The following LRRC20 variants were observed in gnomAD, a reference collection of about 807,000 sequenced individuals.
LRRC20 encodes leucine-rich repeat-containing protein 20.
In LRRC20, 11 loss-of-function variants were observed where a neutral mutation model predicts 14.4. The ratio of observed to expected loss-of-function variants is 0.77; its 90% CI spans 0.48 to 1.27. The LOEUF is 1.27. LRRC20 is among the 50% of genes most tolerant of loss of function. The probability of loss-of-function intolerance (pLI) is 0.00; values close to 1 mark genes in which losing one functional copy is unlikely to be tolerated. For synonymous variants in LRRC20, 121 were observed against 107.3 expected (o/e 1.13, Z -0.79); for missense variants, 219 against 251.2 (o/e 0.87, Z 0.87).
intron 2 of LRRC20, among the ~76,000 whole-genome samples, chr10:70,361,932 A>C (rs1331149261): frequency 2.0e-5 from 3 of 152,228 alleles, no homozygotes. Flanking sequence ...CACACCTGTA[A>C]TCCCAACACT....
chr10:70,346,644 T>C (rs2137041886), intron 2 of LRRC20, among the ~76,000 whole-genome samples: 1 of 152,330 alleles, frequency 6.6e-6, no homozygotes, highest in African/African-American at 2.4e-5. Flanking sequence ...ATATGCACAT[T>C]GTAATTCCAA....
intron 2 of LRRC20, among the ~76,000 whole-genome samples, chr10:70,367,253 G>T (rs1405708344): frequency 6.6e-6 from 1 of 151,276 alleles, no homozygotes; most frequent in Admixed American, 6.6e-5. Flanking sequence ...GAGCCCAGGG[G>T]GCGGAGGCTG....
At chr10:70,340,742 A>T (rs777265945) in intron 2 of LRRC20, 40 bp from the exon 3 acceptor site, 52 of 1,609,662 alleles carry the variant, frequency 3.2e-5, no homozygotes, top group Non-Finnish European at 4.2e-5. Context: ...GTTATCAGCC[A>T]CAGCTGCCCG....
In LRRC20 at chr10:70,340,717, C is replaced by G; in HGVS notation, c.83-15G>C. The G allele has an allele frequency of 6.2e-7, 1 of 1,613,894 alleles. No homozygotes were observed. Among genetic ancestry groups the G allele is most frequent in the Non-Finnish European group, 8.5e-7 (1 of 1,179,894 alleles). On this transcript the variant is annotated splice_polypyrimidine_tract_variant and intron_variant, in intron 2 of 4. Coordinates refer to ENST00000446961, the MANE Select transcript of LRRC20 (RefSeq NM_001278212.2). ...CTCGGCCAGGTCTGCAGCCAAAGAACAAAAACAAACCAGAGTTATCAGCCA... is the reference window on the plus strand; with the variant it reads ...CTCGGCCAGGTCTGCAGCCAAAGAAGAAAAACAAACCAGAGTTATCAGCCA...
At position 70,340,688 on chromosome 10, in the gene LRRC20, T is replaced by A; in HGVS notation, c.97A>T (p.Lys33Ter). The A allele has an allele frequency of 6.2e-7, 1 of 1,614,166 alleles. No individual in the cohort carries two copies. The highest frequency in any genetic ancestry group is 8.5e-7 in the Non-Finnish European group (1 of 1,180,028). ...GSDTLDLAECKLVSFPIGIYK... is the reference protein window; with the variant it reads ...GSDTLDLAEC ...ATGCCAATGGGAAAGGAGACCAGCTTGCACTCGGCCAGGTCTGCAGCCAAA... is the reference window on the plus strand; with the variant it reads ...ATGCCAATGGGAAAGGAGACCAGCTAGCACTCGGCCAGGTCTGCAGCCAAA... The change falls in exon 3 of 5, where the codon AAG becomes TAG. Residue 33 changes from lysine (K) to a stop codon, truncating the protein, a stop_gained. Transcript: ENST00000446961. LOFTEE classifies it high-confidence loss of function.
chr10:70,342,301 C>T (rs1842945396), intron 2 of LRRC20, among the ~76,000 whole-genome samples: 1 of 149,306 alleles, frequency 6.7e-6, no homozygotes, highest in Non-Finnish European at 1.5e-5. Flanking sequence ...CAGAGTGAGA[C>T]TATCTCAAAA....
At chr10:70,332,499 G>T (rs1842578116) in intron 3 of LRRC20, among the ~76,000 whole-genome samples, 1 of 152,130 alleles carries the variant, frequency 6.6e-6, no homozygotes, top group Admixed American at 6.5e-5. Flanking sequence ...CAAAAAATTA[G>T]CTAGGTTTGA....
rs373396264 is a variant in LRRC20 at position 70,323,940 on chromosome 10, T to C, written c.323A>G (p.Gln108Arg). The change falls in exon 4 of 5, where the codon CAG becomes CGG. Residue 108 changes from glutamine (Q) to arginine (R), a missense_variant. Gln to Arg is a conservative substitution (Grantham distance 43). Transcript: ENST00000446961. Reference protein sequence around the residue: ...HLKAIDLSRNQFQDFPEQLTA... With the variant: ...HLKAIDLSRNRFQDFPEQLTA... ...AAGCTGCTCAGGGAAGTCCTGGAAC[T>C]GGTTCCGGGACAGGTCAATGGCCTT... The C allele has an allele frequency of 7.0e-5, 113 of 1,614,028 alleles. No individual in the cohort carries two copies. Among genetic ancestry groups the C allele is most frequent in the Middle Eastern group, 1.6e-4 (1 of 6,084 alleles).
rs979044471 is a variant in LRRC20 at position 70,333,009 on chromosome 10, CAT to C, written c.232+7542_232+7543del. On this transcript the variant is annotated intron_variant, in intron 3 of 4. Coordinates refer to ENST00000446961, the MANE Select transcript of LRRC20 (RefSeq NM_001278212.2). ...TAGAGCTCTGCAGGTGTGGCAGAGA[CAT>C]AAACAGCAACAAGAGAGGTGCTTGG... is the stretch of plus-strand genomic sequence containing the variant. Among the ~76,000 whole-genome samples, 20 of 152,138 alleles carry C rather than the reference CAT, an allele frequency of 1.3e-4. 1 individual carries two copies. Among genetic ancestry groups the C allele is most frequent in the Admixed American group, 3.9e-4 (6 of 15,276 alleles).
At chr10:70,360,925 A>G (rs1843694681) in intron 2 of LRRC20, among the ~76,000 whole-genome samples, 1 of 152,116 alleles carries the variant, frequency 6.6e-6, no homozygotes, top group South Asian at 2.1e-4. Flanking sequence ...GCACACGCCT[A>G]TAGTCGCAGC....
intron 4 of LRRC20, 99 bp from the exon 5 acceptor site, chr10:70,301,607 G>T: frequency 2.1e-6 from 3 of 1,418,926 alleles, no homozygotes; most frequent in Non-Finnish European, 2.9e-6. Flanking sequence ...GATGGTGAGG[G>T]GCAGCTCTCC....
At chr10:70,320,959 G>T (rs1842056343) in intron 4 of LRRC20, among the ~76,000 whole-genome samples, 1 of 152,170 alleles carries the variant, frequency 6.6e-6, no homozygotes, top group Admixed American at 6.5e-5. Context: ...AGTTGATCCT[G>T]GCAGCTGCCT....
At chr10:70,329,561 C>CTTTT (rs375932907) in intron 3 of LRRC20, among the ~76,000 whole-genome samples, 1 of 124,908 alleles carries the variant, frequency 8.0e-6, no homozygotes, top group Admixed American at 8.3e-5. Flanking sequence ...CTTCTTTTGC[C>CTTTT]TTTTTTTTTT....
At chr10:70,319,901 G>A (rs952663560) in intron 4 of LRRC20, among the ~76,000 whole-genome samples, 5 of 152,126 alleles carry the variant, frequency 3.3e-5, no homozygotes, top group Admixed American at 6.5e-5. Flanking sequence ...CCAAGACCCC[G>A]GAAGCCTCTC....
chr10:70,342,014 T>C (rs1364163572), intron 2 of LRRC20, among the ~76,000 whole-genome samples: 1 of 151,104 alleles, frequency 6.6e-6, no homozygotes, highest in East Asian at 2.0e-4. Flanking sequence ...TGTTCTAAGA[T>C]TGGGCGGGGC....
Position 70,376,459 on chromosome 10 carries a change from G to A in LRRC20, c.75C>T (p.Asp25=). The change falls in exon 2 of 5, where the codon GAC becomes GAT. Residue 25 remains aspartate (D), a synonymous_variant. Coordinates refer to ENST00000446961, the MANE Select transcript of LRRC20 (RefSeq NM_001278212.2). ...AGCCCTGCCCTCACTCACCCAGAGT[G>A]TCAGAGCCGCTCTCCACCGTCTCGT... ...KVNETVESGS[D]TLDLAECKLV... 6.2e-7 allele frequency: 1 copy of A among 1,614,064 alleles called. No individual in the cohort carries two copies. The highest frequency in any genetic ancestry group is 1.3e-5 in the African/African-American group (1 of 75,070).
At chr10:70,322,721 A>G (rs963220629) in intron 4 of LRRC20, among the ~76,000 whole-genome samples, 1 of 152,122 alleles carries the variant, frequency 6.6e-6, no homozygotes, top group Non-Finnish European at 1.5e-5. Context: ...GTGGAATCAC[A>G]TATTCCTATC....
At chr10:70,318,163 A>G (rs923122547) in intron 4 of LRRC20, among the ~76,000 whole-genome samples, 1 of 152,138 alleles carries the variant, frequency 6.6e-6, no homozygotes, top group Non-Finnish European at 1.5e-5. Context: ...CCACTTTGAG[A>G]ATTGAGAGCC....
At chr10:70,335,338 C>G (rs781724092) in intron 3 of LRRC20, among the ~76,000 whole-genome samples, 78 of 152,302 alleles carry the variant, frequency 5.1e-4, no homozygotes, top group Non-Finnish European at 1.0e-3. Context: ...GTCAGCAAGT[C>G]TCCATGGAGG....
Sources: allele counts gnomAD v4.1 joint callset (sites outside exome capture counted in the v4.1 genomes callset), GRCh38; gene constraint gnomAD v4.1.1; transcripts MANE v1.5; gene names NCBI Gene and HGNC (gene_info 2026-07-23, HGNC 2026-07-21).